CSMD1: variants seen among roughly 807,000 people sequenced by gnomAD.
CSMD1 encodes the protein CUB and Sushi multiple domains 1, also known as CUB and sushi domain-containing protein 1.
CSMD1 carries 213 observed loss-of-function variants against 417.5 expected under a neutral mutation model. That is an observed-to-expected ratio of 0.51 (90% CI 0.46 to 0.57). The LOEUF (loss-of-function observed/expected upper bound fraction) is 0.57, where lower values mean the gene tolerates loss of function less well. Ranked by LOEUF, CSMD1 falls within the 20% of genes least tolerant of loss-of-function variation. The pLI is 0.00. For synonymous variants in CSMD1, 2,862 were observed against 1,736.8 expected, an observed-to-expected ratio of 1.65 and a Z score of -16.11; for missense variants, 6,923 against 4,529.7, an observed-to-expected ratio of 1.53 and a Z score of -15.17.
chr8:4,330,765 C>T (rs558244155), intron 3 of CSMD1, among the ~76,000 whole-genome samples: 1 of 152,164 alleles, frequency 6.6e-6, no homozygotes, highest in Non-Finnish European at 1.5e-5. Flanking sequence ...CCTGCGGCAT[C>T]TCCTCCCTAC....
At chr8:3,756,505 G>A (rs1177728380) in intron 5 of CSMD1, among the ~76,000 whole-genome samples, 1 of 152,008 alleles carries the variant, frequency 6.6e-6, no homozygotes, top group African/African-American at 2.4e-5. Context: ...AAGCACAGAA[G>A]CAAGCCTACC....
rs1476719408 is a variant in CSMD1, at chr8:3,162,232, C to T, written c.5771G>A (p.Ser1924Asn). 1.9e-6 allele frequency: 3 copies of T among 1,611,494 alleles called. No homozygotes were observed. The highest frequency in any genetic ancestry group is 2.5e-6 in the Non-Finnish European group (3 of 1,178,916). Reference protein sequence around the residue: ...ACQEPALPSNSIKIGDRYMVN... With the variant: ...ACQEPALPSNNIKIGDRYMVN... ...CATGTACCGATCTCCGATTTTGATG[C>T]TGTTGCTGGGGAGGGCTGGTTCTTG... The change falls in exon 38 of 70, where the codon AGC (serine) becomes AAC (asparagine). Residue 1924 changes from serine (S) to asparagine (N), a missense_variant. Transcript: ENST00000635120.
chr8:4,211,961 G>A (rs77877993), intron 3 of CSMD1, among the ~76,000 whole-genome samples: 3 of 152,028 alleles, frequency 2.0e-5, no homozygotes, highest in African/African-American at 7.2e-5. Flanking sequence ...TCCTATCTTA[G>A]AGACATTTTT....
At chr8:3,957,751 G>A (rs55906500) in intron 5 of CSMD1, among the ~76,000 whole-genome samples, 1 of 151,996 alleles carries the variant, frequency 6.6e-6, no homozygotes, top group South Asian at 2.1e-4. Context: ...AAAGAAAAAA[G>A]AAAAGTATGA....
intron 37 of CSMD1, among the ~76,000 whole-genome samples, chr8:3,178,577 G>A (rs143688650): frequency 3.6e-4 from 55 of 152,248 alleles, no homozygotes; most frequent in African/African-American, 1.3e-3. Context: ...TATTAACAGT[G>A]TGGCTAGGAC....
chr8:3,366,729 G>A (rs1196671549), intron 20 of CSMD1, among the ~76,000 whole-genome samples: 1 of 152,142 alleles, frequency 6.6e-6, no homozygotes, highest in Non-Finnish European at 1.5e-5. Context: ...TTGTAGAGTT[G>A]GTGAAGAGAA....
intron 51 of CSMD1, among the ~76,000 whole-genome samples, 171 bp from the exon 52 acceptor site, chr8:3,018,821 T>C (rs1809098653): frequency 6.6e-6 from 1 of 152,214 alleles, no homozygotes; most frequent in Non-Finnish European, 1.5e-5. Flanking sequence ...ACCAGTCACT[T>C]AAGAAGCTTA....
intron 1 of CSMD1, among the ~76,000 whole-genome samples, chr8:4,979,164 AAGTTC>A (rs1455018385): frequency 6.6e-6 from 1 of 152,188 alleles, no homozygotes; most frequent in Admixed American, 6.5e-5. Context: ...TTTCATGTAC[AAGTTC>A]AAATGATGAA....
chr8:4,895,239 G>A (rs1031050060), intron 1 of CSMD1, among the ~76,000 whole-genome samples: 8 of 152,044 alleles, frequency 5.3e-5, no homozygotes, highest in East Asian at 1.9e-4. Flanking sequence ...CCTGAATCAC[G>A]TTCAGAGATG....
intron 3 of CSMD1, 135 bp downstream of exon 3, chr8:4,419,818 T>G (rs1797145384): frequency 1.7e-6 from 1 of 581,326 alleles, no homozygotes; most frequent in Non-Finnish European, 3.1e-6. Context: ...GCCATTGCAT[T>G]ACACAGAAGC....
chr8:4,022,125 T>C (rs1215309790), intron 4 of CSMD1, among the ~76,000 whole-genome samples: 1 of 147,170 alleles, frequency 6.8e-6, no homozygotes, highest in East Asian at 2.0e-4. Context: ...ATAGAATATA[T>C]ATATATACAT....
intron 33 of CSMD1, among the ~76,000 whole-genome samples, chr8:3,199,500 T>C (rs753494701): frequency 6.6e-6 from 1 of 152,192 alleles, no homozygotes; most frequent in Admixed American, 6.5e-5. Context: ...TTAGATATTA[T>C]TGTGTTTTTG....
chr8:3,140,041 T>C (rs966915856), intron 41 of CSMD1, among the ~76,000 whole-genome samples: 1 of 152,054 alleles, frequency 6.6e-6, no homozygotes, highest in African/African-American at 2.4e-5. Context: ...TAGCTGGGAT[T>C]ACAGGCGCCT....
intron 7 of CSMD1, among the ~76,000 whole-genome samples, chr8:3,689,902 T>A (rs1456342598): frequency 6.6e-6 from 1 of 152,192 alleles, no homozygotes; most frequent in Non-Finnish European, 1.5e-5. Flanking sequence ...TGATTCAAAT[T>A]AAATAAAGCT....
At chr8:3,841,862 C>T (rs755380229) in intron 5 of CSMD1, among the ~76,000 whole-genome samples, 3 of 151,954 alleles carry the variant, frequency 2.0e-5, no homozygotes, top group South Asian at 2.1e-4. Context: ...CCTCAAGGGT[C>T]CTGGCCCTTG....
intron 4 of CSMD1, among the ~76,000 whole-genome samples, chr8:4,019,132 C>T (rs546146979): frequency 1.1e-4 from 17 of 152,214 alleles, no homozygotes; most frequent in African/African-American, 1.4e-4. Flanking sequence ...GCCATGGTAT[C>T]GTAAGACTTA....
At chr8:3,183,931 A>G (rs1038400279) in intron 36 of CSMD1, among the ~76,000 whole-genome samples, 1 of 152,144 alleles carries the variant, frequency 6.6e-6, no homozygotes, top group Non-Finnish European at 1.5e-5. Context: ...TGTTTTTTTG[A>G]GCCTGATCTT....
At chr8:4,500,307 A>G (rs1442264945) in intron 2 of CSMD1, among the ~76,000 whole-genome samples, 1 of 152,214 alleles carries the variant, frequency 6.6e-6, no homozygotes. Flanking sequence ...TGCATAGGTT[A>G]CCAGGGATAT....
rs369951496 is a variant in CSMD1 at position 4,178,933 on chromosome 8, C to G, written c.416-146834G>C. On this transcript the variant is annotated intron_variant, in intron 3 of 69. Transcript: ENST00000635120. ...CTGCTCAATGAAATAAGAGAAGATA[C>G]AAACAAATGGAAGAACATTCCATGC... 9.2e-5 allele frequency among the ~76,000 whole-genome samples: 14 copies of G among 152,210 alleles called. No homozygotes were observed. The South Asian group carries it at 1.2e-3, about 14-fold the overall frequency.
Sources: gnomAD v4.1 joint callset for allele counts (sites outside exome capture counted in the v4.1 genomes callset) on GRCh38, gnomAD v4.1.1 for gene constraint, MANE v1.5 for transcripts, NCBI Gene and HGNC (gene_info 2026-07-23, HGNC 2026-07-21) for gene names.